Variants in TRAK1 observed in about 807,000 individuals in gnomAD.
TRAK1 encodes trafficking kinesin protein 1.
A neutral mutation model predicts 92.1 loss-of-function variants in TRAK1; 33 were observed. That is an observed-to-expected ratio of 0.36 (90% CI 0.27 to 0.48). The LOEUF is 0.48. Among genes scored for constraint, TRAK1 ranks in the 20% least tolerant of loss-of-function variants. TRAK1 has a pLI of 0.99. For missense variants in TRAK1, 1,123 were observed against 1,257.9 expected (o/e 0.89, Z 1.62); for synonymous variants, 521 against 517.3 (o/e 1.01, Z -0.10).
chr3:42,078,303 A>ATCTAGATAC (rs1454976708), intron 1 of TRAK1, among the ~76,000 whole-genome samples: 1 of 152,184 alleles, frequency 6.6e-6, no homozygotes, highest in Non-Finnish European at 1.5e-5. Flanking sequence ...TCAAGCACGG[A>ATCTAGATAC]TCTAGATACT....
At chr3:42,122,421 G>A (rs973882013) in intron 1 of TRAK1, among the ~76,000 whole-genome samples, 3 of 151,806 alleles carry the variant, frequency 2.0e-5, no homozygotes, top group Non-Finnish European at 4.4e-5. Flanking sequence ...AGCCTGTTGT[G>A]TGGGTGTGTC....
chr3:42,088,177 T>C (rs1704780377), upstream of TRAK1, among the ~76,000 whole-genome samples: 1 of 152,212 alleles, frequency 6.6e-6, no homozygotes, highest in South Asian at 2.1e-4. Flanking sequence ...TAATGCCTGA[T>C]GACAGCTTAA....
intron 2 of TRAK1, among the ~76,000 whole-genome samples, chr3:42,140,385 T>C (rs1442636648): frequency 6.6e-6 from 1 of 152,066 alleles, no homozygotes; most frequent in East Asian, 1.9e-4. Flanking sequence ...ATCCCAGCAT[T>C]TTGGGAGGCT....
intron 2 of TRAK1, among the ~76,000 whole-genome samples, chr3:42,143,619 T>C (rs1366372591): frequency 6.6e-6 from 1 of 152,206 alleles, no homozygotes; most frequent in Admixed American, 6.5e-5. Flanking sequence ...AAGGAATGGC[T>C]GACCAGTGGC....
chr3:42,116,009 G>T (rs746490710), intron 1 of TRAK1, among the ~76,000 whole-genome samples: 5 of 152,204 alleles, frequency 3.3e-5, no homozygotes, highest in Non-Finnish European at 7.3e-5. Context: ...CTGCCTGCTG[G>T]CTTGTGAGAG....
chr3:42,050,160 C>T (rs544364627), intron 1 of TRAK1, among the ~76,000 whole-genome samples: 1 of 139,800 alleles, frequency 7.2e-6, no homozygotes, highest in African/African-American at 2.7e-5. Context: ...CTTTGTCAGT[C>T]GAGTTGGGGA....
chr3:42,089,376 C>T (rs980318128), upstream of TRAK1, among the ~76,000 whole-genome samples: 12 of 152,214 alleles, frequency 7.9e-5, no homozygotes, highest in South Asian at 4.2e-4. Context: ...ATTCTTTCTC[C>T]GCTCAACCAT....
chr3:42,120,841 C>T (rs770114037), intron 1 of TRAK1, among the ~76,000 whole-genome samples: 16 of 151,992 alleles, frequency 1.1e-4, no homozygotes, highest in South Asian at 6.3e-4. Context: ...CCACCGCGCC[C>T]GGCTACTGCT....
At chr3:42,101,420 G>T (rs1706732293) in intron 1 of TRAK1, among the ~76,000 whole-genome samples, 1 of 152,244 alleles carries the variant, frequency 6.6e-6, no homozygotes, top group Non-Finnish European at 1.5e-5. Context: ...TGACAGGAGT[G>T]GCACTGAATG....
At chr3:42,121,324 G>A (rs930520066) in intron 1 of TRAK1, among the ~76,000 whole-genome samples, 1 of 147,924 alleles carries the variant, frequency 6.8e-6, no homozygotes, top group Non-Finnish European at 1.5e-5. Context: ...CAGTGGCGCA[G>A]TCTCGGCTCA....
intron 2 of TRAK1, among the ~76,000 whole-genome samples, chr3:42,144,785 T>C (rs1328546461): frequency 1.3e-5 from 2 of 151,880 alleles, no homozygotes; most frequent in South Asian, 2.1e-4. Context: ...CTTGTTTCTG[T>C]TACATATAAA....
chr3:42,041,534 T>C (rs1702539150), intron 1 of TRAK1, among the ~76,000 whole-genome samples: 1 of 152,156 alleles, frequency 6.6e-6, no homozygotes, highest in Non-Finnish European at 1.5e-5. Context: ...GACTTTCTAT[T>C]TGTAAGATAA....
intron 2 of TRAK1, chr3:42,151,341 C>T (rs1335162566): frequency 2.2e-6 from 1 of 456,560 alleles, no homozygotes; most frequent in African/African-American, 2.0e-5. Flanking sequence ...CCAGCACTTC[C>T]TCAGTTGAGT....
At chr3:42,071,013 G>A (rs958227929) in intron 1 of TRAK1, among the ~76,000 whole-genome samples, 2 of 152,174 alleles carry the variant, frequency 1.3e-5, no homozygotes, top group African/African-American at 2.4e-5. Flanking sequence ...CTTGAGGAGG[G>A]TGATGTTGTG....
At chr3:42,042,413 C>T (rs1310970721) in intron 1 of TRAK1, among the ~76,000 whole-genome samples, 2 of 151,720 alleles carry the variant, frequency 1.3e-5, no homozygotes, top group Non-Finnish European at 2.9e-5. Context: ...ACTTTGTTGC[C>T]CAGGCTGGAG....
rs780707351 is a variant in TRAK1, at chr3:42,223,398, C to G, written c.2523C>G (p.Leu841=). 1.1e-5 allele frequency: 18 copies of G among 1,614,102 alleles called. No individual in the cohort carries two copies. The Admixed American group carries it at 3.0e-4, about 27-fold the overall frequency. The change falls in exon 16 of 16, where the codon CTC becomes CTG. Residue 841 remains leucine (L), a synonymous_variant. Transcript: ENST00000327628. This position sits in a 1 kb window ranked among gnomAD's most constrained non-coding sequence, Gnocchi z 6.1. ...AGACCGACGTGTCCGTCTCCAACCT[C>G]AACCTCGTGGACAAAGTCAGGAGGT... ...ESQTDVSVSN[L]NLVDKVRRFG...
In TRAK1 at chr3:42,074,262, T is replaced by C. The variant is rs528244407; in HGVS notation, c.-518-12842T>C. ...TATAGGTTGTAAGCCTTAAACAGGG[T>C]CATGCATGTTAATTACTGAGCATAG... On this transcript the variant is annotated intron_variant, in intron 1 of 16. Coordinates refer to the TRAK1 transcript ENST00000487159. Among the ~76,000 whole-genome samples the C allele has an allele frequency of 2.6e-5, 4 of 152,310 alleles. No individual in the cohort carries two copies. The South Asian group carries it at 8.3e-4, about 32-fold the overall frequency.
At chr3:42,145,801 G>T in intron 2 of TRAK1, 1 of 233,494 alleles carries the variant, frequency 4.3e-6, no homozygotes, top group Non-Finnish European at 8.4e-6. Flanking sequence ...TAAGCTAGTG[G>T]GCCTGCATGT....
chr3:42,172,911 C>T (rs751765821), intron 2 of TRAK1, among the ~76,000 whole-genome samples: 19 of 152,102 alleles, frequency 1.2e-4, no homozygotes, highest in Admixed American at 3.3e-4. Context: ...TTTGGGAGGC[C>T]GAGGCAGGTG....
Sources: allele counts gnomAD v4.1 joint callset (sites outside exome capture counted in the v4.1 genomes callset), GRCh38; gene constraint gnomAD v4.1.1; non-coding constraint Gnocchi (gnomAD v3.1); transcripts MANE v1.5; gene names NCBI Gene and HGNC (gene_info 2026-07-23, HGNC 2026-07-21).